The following ULK4 variants were observed in gnomAD, a reference collection of about 807,000 sequenced individuals.
ULK4 encodes inactive serine/threonine-protein kinase ULK4.
Under a neutral mutation model 160.6 loss-of-function variants are expected in ULK4, and 133 were observed. The ratio of observed to expected loss-of-function variants is 0.83; its 90% CI spans 0.72 to 0.96. The LOEUF is 0.96. ULK4 is among the 40% of genes least tolerant of loss of function. The probability of loss-of-function intolerance (pLI) is 0.00; values close to 1 mark genes in which losing one functional copy is unlikely to be tolerated. For missense variants in ULK4, 1,580 were observed against 1,499.5 expected (o/e 1.05, Z -0.89); for synonymous variants, 534 against 539.8 (o/e 0.99, Z 0.15).
intron 17 of ULK4, among the ~76,000 whole-genome samples, chr3:41,856,592 T>TATATATATACAC (rs2042365497): frequency 1.5e-5 from 1 of 67,816 alleles, no homozygotes. Context: ...TATATACACA[T>TATATATATACAC]ATATATATAT....
intron 18 of ULK4, among the ~76,000 whole-genome samples, chr3:41,829,894 C>T (rs1263749522): frequency 6.7e-6 from 1 of 150,222 alleles, no homozygotes; most frequent in Non-Finnish European, 1.5e-5. Flanking sequence ...TTGGAACCAA[C>T]CCAGATGTCC....
At chr3:41,398,523 A>G (rs983770496) in intron 34 of ULK4, among the ~76,000 whole-genome samples, 5 of 150,648 alleles carry the variant, frequency 3.3e-5, no homozygotes, top group African/African-American at 1.2e-4. Context: ...AGCTGGGAAT[A>G]AAGACACACA....
chr3:41,775,965 CA>C (rs1431815529), intron 21 of ULK4, among the ~76,000 whole-genome samples: 1 of 150,842 alleles, frequency 6.6e-6, no homozygotes, highest in Non-Finnish European at 1.5e-5. Context: ...TTACTGCAAA[CA>C]CTACTGTGAT....
At chr3:41,741,498 T>A (rs2125880606) in intron 22 of ULK4, among the ~76,000 whole-genome samples, 1 of 152,074 alleles carries the variant, frequency 6.6e-6, no homozygotes, top group Non-Finnish European at 1.5e-5. Context: ...TAACTATATT[T>A]CCATTTATTC....
intron 29 of ULK4, among the ~76,000 whole-genome samples, chr3:41,681,011 A>C (rs185488950): frequency 2.0e-3 from 301 of 152,288 alleles, no homozygotes; most frequent in Non-Finnish European, 2.6e-3. Flanking sequence ...AAAAGAATAC[A>C]AAAACCCTTT....
At chr3:41,462,796 G>A (rs1202900715) in intron 33 of ULK4, among the ~76,000 whole-genome samples, 1 of 152,128 alleles carries the variant, frequency 6.6e-6, no homozygotes, top group Admixed American at 6.5e-5. Context: ...GGCCAACCTA[G>A]GATGTGCCTA....
chr3:41,721,359 TA>T (rs1211987804), intron 22 of ULK4, among the ~76,000 whole-genome samples: 1,939 of 62,068 alleles, frequency 0.031, 33 homozygotes, highest in Non-Finnish European at 0.042. Context: ...TATATATATA[TA>T]TATTTTTTTT....
intron 4 of ULK4, among the ~76,000 whole-genome samples, chr3:41,932,337 A>G (rs1195336615): frequency 6.6e-6 from 1 of 152,228 alleles, no homozygotes; most frequent in Non-Finnish European, 1.5e-5. Flanking sequence ...CTATAACAGG[A>G]TTTGAAAACC....
Position 41,797,403 on chromosome 3 carries a change from G to C in ULK4, c.2010+2729C>G, listed in dbSNP as rs915671692. ...CCAGAGGTATCTGGTACAGTTAAGA[G>C]TCATCAATGGATGCTATGGAGGTTT... On this transcript the variant is annotated intron_variant, in intron 20 of 36. Transcript: ENST00000301831. Among the ~76,000 whole-genome samples, 5 of 152,158 alleles carry C rather than the reference G, an allele frequency of 3.3e-5. No individual in the cohort carries two copies. The East Asian group carries it at 5.8e-4, about 18-fold the overall frequency.
intron 1 of ULK4, among the ~76,000 whole-genome samples, chr3:41,958,622 G>A (rs541521970): frequency 4.0e-5 from 6 of 151,584 alleles, no homozygotes; most frequent in Non-Finnish European, 5.9e-5. Context: ...TGAGGTAGGC[G>A]AATGGCTTGA....
intron 17 of ULK4, among the ~76,000 whole-genome samples, chr3:41,861,764 G>A (rs1284866160): frequency 2.0e-5 from 3 of 151,786 alleles, no homozygotes; most frequent in African/African-American, 7.3e-5. Flanking sequence ...CCTCTTTAAG[G>A]CCAATAACGT....
intron 27 of ULK4, among the ~76,000 whole-genome samples, chr3:41,696,265 C>CAT (rs934965290): frequency 1.7e-4 from 26 of 152,200 alleles, no homozygotes; most frequent in Non-Finnish European, 3.5e-4. Flanking sequence ...CTTCATGTTC[C>CAT]ATCCTGTACA....
chr3:41,449,228 T>G (rs2083371928), intron 34 of ULK4, among the ~76,000 whole-genome samples: 1 of 143,668 alleles, frequency 7.0e-6, no homozygotes, highest in Admixed American at 7.0e-5. Context: ...CCAAGTTTTA[T>G]TTAAAAATTT....
At chr3:41,927,384 T>A (rs1231440977) in intron 5 of ULK4, among the ~76,000 whole-genome samples, 1 of 152,132 alleles carries the variant, frequency 6.6e-6, no homozygotes, top group African/African-American at 2.4e-5. Flanking sequence ...TACCAGCCAC[T>A]GCAAAAACAT....
intron 17 of ULK4, among the ~76,000 whole-genome samples, chr3:41,841,923 C>T (rs1048341776): frequency 6.6e-6 from 1 of 152,064 alleles, no homozygotes; most frequent in Non-Finnish European, 1.5e-5. Flanking sequence ...CTTTGTTAAA[C>T]AGATGCTTGA....
intron 2 of ULK4, among the ~76,000 whole-genome samples, 169 bp downstream of exon 2, chr3:41,954,453 A>C (rs1700417125): frequency 6.6e-6 from 1 of 152,290 alleles, no homozygotes; most frequent in East Asian, 1.9e-4. Context: ...GGATATGTTT[A>C]TTACTCATTA....
At chr3:41,281,793 C>T (rs1234947314) in intron 35 of ULK4, among the ~76,000 whole-genome samples, 1 of 152,220 alleles carries the variant, frequency 6.6e-6, no homozygotes, top group African/African-American at 2.4e-5. Flanking sequence ...GTTGGAAGTT[C>T]TGGCCAGGGA....
chr3:41,829,739 G>A (rs556011344), intron 18 of ULK4, among the ~76,000 whole-genome samples: 4 of 151,674 alleles, frequency 2.6e-5, no homozygotes, highest in South Asian at 2.1e-4. Context: ...TCAGTGTGGC[G>A]ATTCCTCAGA....
intron 31 of ULK4, among the ~76,000 whole-genome samples, chr3:41,588,656 T>A (rs942523638): frequency 6.6e-6 from 1 of 152,184 alleles, no homozygotes; most frequent in African/African-American, 2.4e-5. Flanking sequence ...TATTCCCTAA[T>A]GCATAAAGCT....
Sources: allele counts gnomAD v4.1 joint callset (sites outside exome capture counted in the v4.1 genomes callset), GRCh38; gene constraint gnomAD v4.1.1; transcripts MANE v1.5; gene names NCBI Gene and HGNC (gene_info 2026-07-23, HGNC 2026-07-21).